The following RELN variants were observed in gnomAD, a reference collection of about 807,000 sequenced individuals.
RELN encodes reelin.
RELN carries 108 observed loss-of-function variants against 427.6 expected under a neutral mutation model. That is an observed-to-expected ratio of 0.25 (90% CI 0.22 to 0.30). The LOEUF is 0.30. Among genes scored for constraint, RELN ranks in the 10% least tolerant of loss-of-function variants. The probability of loss-of-function intolerance (pLI) is 1.00; values close to 1 mark genes in which losing one functional copy is unlikely to be tolerated. For missense variants in RELN, 3,715 were observed against 4,302.8 expected (o/e 0.86, Z 3.82); for synonymous variants, 1,524 against 1,513.4 (o/e 1.01, Z -0.16).
intron 2 of RELN, among the ~76,000 whole-genome samples, chr7:103,843,913 C>T (rs970395501): frequency 6.6e-6 from 1 of 152,174 alleles, no homozygotes; most frequent in Non-Finnish European, 1.5e-5. Context: ...GCATACTCTC[C>T]CTCCCTGCTT....
chr7:103,888,938 C>A (rs1794784230), intron 2 of RELN, among the ~76,000 whole-genome samples: 1 of 152,136 alleles, frequency 6.6e-6, no homozygotes, highest in Non-Finnish European at 1.5e-5. Context: ...TTCTCAGATC[C>A]CAGGAGGGTT....
intron 10 of RELN, among the ~76,000 whole-genome samples, chr7:103,690,454 G>A (rs1206128483): frequency 6.6e-6 from 1 of 152,094 alleles, no homozygotes; most frequent in African/African-American, 2.4e-5. Flanking sequence ...CATGACAGAG[G>A]CCCTGCCATG....
At chr7:103,528,672 G>A (rs1313696649) in intron 46 of RELN, among the ~76,000 whole-genome samples, 1 of 151,924 alleles carries the variant, frequency 6.6e-6, no homozygotes, top group East Asian at 1.9e-4. Flanking sequence ...GGGATTACAG[G>A]CATGCACCAC....
At chr7:103,595,309 A>C (rs1831512538) in intron 25 of RELN, among the ~76,000 whole-genome samples, 1 of 152,178 alleles carries the variant, frequency 6.6e-6, no homozygotes, top group South Asian at 2.1e-4. Context: ...ACTATATTGC[A>C]TCTAGGAGAA....
intron 6 of RELN, among the ~76,000 whole-genome samples, chr7:103,740,792 T>G (rs891064144): frequency 6.6e-6 from 1 of 152,234 alleles, no homozygotes; most frequent in Non-Finnish European, 1.5e-5. Flanking sequence ...ATAACTAGTT[T>G]CTTAATTTCT....
rs754460697 is a variant in RELN, at chr7:103,575,718, A to G, written c.4146-13T>C. The G allele has an allele frequency of 2.4e-5, 39 of 1,614,098 alleles. No homozygotes were observed. The South Asian group carries it at 4.3e-4, about 18-fold the overall frequency. On this transcript the variant is annotated splice_polypyrimidine_tract_variant and intron_variant, in intron 28 of 64. Coordinates refer to ENST00000428762, the MANE Select transcript of RELN (RefSeq NM_005045.4). ...GAATCTGGTCTTGCTGTTGGGAAAA[A>G]CAACACACCTGTTTCTTGTACCAAC...
intron 2 of RELN, among the ~76,000 whole-genome samples, chr7:103,865,905 C>T (rs1433054491): frequency 6.6e-6 from 1 of 152,112 alleles, no homozygotes; most frequent in Non-Finnish European, 1.5e-5. Context: ...TTGTGAAAGG[C>T]AAAGTGTGGG....
intron 53 of RELN, among the ~76,000 whole-genome samples, chr7:103,498,728 G>C (rs1280654046): frequency 1.3e-5 from 2 of 152,092 alleles, no homozygotes; most frequent in East Asian, 3.9e-4. Flanking sequence ...CTGACCTCAA[G>C]TGATCTGCCC....
At chr7:103,770,534 G>T (rs142748116) in intron 4 of RELN, among the ~76,000 whole-genome samples, 2 of 152,310 alleles carry the variant, frequency 1.3e-5, no homozygotes, top group Admixed American at 1.3e-4. Context: ...TGTTCTAGCG[G>T]TGTTTGGCTG....
chr7:103,616,990 A>C (rs1393548046), intron 20 of RELN, among the ~76,000 whole-genome samples: 1 of 152,166 alleles, frequency 6.6e-6, no homozygotes, highest in Non-Finnish European at 1.5e-5. Flanking sequence ...GCCCTCCAAA[A>C]AGATTGCACC....
At chr7:103,976,915 G>C (rs1796890267) in intron 1 of RELN, among the ~76,000 whole-genome samples, 1 of 152,122 alleles carries the variant, frequency 6.6e-6, no homozygotes, top group South Asian at 2.1e-4. Context: ...AGTGGGGTAT[G>C]GTGGCACGTG....
intron 1 of RELN, among the ~76,000 whole-genome samples, chr7:103,941,231 A>C (rs920007080): frequency 6.6e-6 from 1 of 152,244 alleles, no homozygotes; most frequent in African/African-American, 2.4e-5. Flanking sequence ...AGAAAGATGT[A>C]TTCAAGTTTC....
intron 28 of RELN, among the ~76,000 whole-genome samples, chr7:103,584,946 A>ATTG (rs1831235256): frequency 1.3e-5 from 2 of 152,306 alleles, no homozygotes; most frequent in South Asian, 4.1e-4. Context: ...AAACTAAACA[A>ATTG]CTTGCTCCTG....
chr7:103,872,717 C>T (rs1173685094), intron 2 of RELN, among the ~76,000 whole-genome samples: 1 of 147,974 alleles, frequency 6.8e-6, no homozygotes, highest in Non-Finnish European at 1.5e-5. Flanking sequence ...ACATCCTCTC[C>T]AGCACCTGTT....
chr7:103,618,228 T>C (rs1195984770), intron 20 of RELN, among the ~76,000 whole-genome samples: 1 of 152,368 alleles, frequency 6.6e-6, no homozygotes, highest in Non-Finnish European at 1.5e-5. Context: ...CTCTAAATTA[T>C]TGTGGTTGTA....
At chr7:103,777,916 A>ACACAC (rs1791787067) in intron 3 of RELN, among the ~76,000 whole-genome samples, 1 of 45,294 alleles carries the variant, frequency 2.2e-5, no homozygotes, top group Non-Finnish European at 4.7e-5. Flanking sequence ...CACACACACA[A>ACACAC]TGGCACAATA....
At position 103,989,068 on chromosome 7, in the gene RELN, T is replaced by C; in HGVS notation, c.226+63A>G. 5.7e-6 allele frequency: 8 copies of C among 1,413,168 alleles called. No individual in the cohort carries two copies. The South Asian group carries it at 8.1e-5, about 14-fold the overall frequency. The allele number at this position is 1,413,168 out of a possible 1,614,324, so 87.5% of individuals were successfully genotyped here. ...AGGCCCCTTGGAAGAAGGAAAGGGA[T>C]GAGAAAGGTGCGCTGGCGGGCGCAC... is the stretch of plus-strand genomic sequence containing the variant. On this transcript the variant is annotated intron_variant, in intron 1 of 64. Coordinates refer to ENST00000428762, the MANE Select transcript of RELN (RefSeq NM_005045.4). The surrounding 1 kb of genome is among the most constrained non-coding windows in gnomAD (Gnocchi z 4.9).
chr7:103,890,453 T>C (rs1794822288), intron 2 of RELN, among the ~76,000 whole-genome samples: 1 of 152,134 alleles, frequency 6.6e-6, no homozygotes, highest in Non-Finnish European at 1.5e-5. Context: ...CATTAGATTC[T>C]CACAGAAGCA....
intron 2 of RELN, among the ~76,000 whole-genome samples, chr7:103,904,838 C>G (rs1167126991): frequency 6.6e-6 from 1 of 151,922 alleles, no homozygotes; most frequent in Non-Finnish European, 1.5e-5. Context: ...TCCCAAGAAA[C>G]TGTAGACTTA....
Sources: allele counts gnomAD v4.1 joint callset (sites outside exome capture counted in the v4.1 genomes callset), GRCh38; gene constraint gnomAD v4.1.1; non-coding constraint Gnocchi (gnomAD v3.1); transcripts MANE v1.5; gene names NCBI Gene and HGNC (gene_info 2026-07-23, HGNC 2026-07-21).